Variants in HS3ST3A1 observed in about 807,000 individuals in gnomAD.
The protein encoded by HS3ST3A1 is heparan sulfate-glucosamine 3-sulfotransferase 3A1, also known as heparan sulfate glucosamine 3-O-sulfotransferase 3A1.
A neutral mutation model predicts 25.7 loss-of-function variants in HS3ST3A1; 19 were observed. That is an observed-to-expected ratio of 0.74 (90% CI 0.52 to 1.08). HS3ST3A1 has a LOEUF of 1.08. HS3ST3A1 is among the 50% of genes least tolerant of loss of function. The probability of loss-of-function intolerance (pLI) is 0.00; values close to 1 mark genes in which losing one functional copy is unlikely to be tolerated. For missense variants in HS3ST3A1, 459 were observed against 594.3 expected (o/e 0.77, Z 2.37); for synonymous variants, 226 against 278.6 (o/e 0.81, Z 1.88).
intron 1 of HS3ST3A1, among the ~76,000 whole-genome samples, chr17:13,592,457 A>T (rs1027173414): frequency 6.6e-6 from 1 of 152,214 alleles, no homozygotes; most frequent in East Asian, 1.9e-4. Flanking sequence ...TTGCTATTTT[A>T]AAAAAGGCTA....
intron 1 of HS3ST3A1, among the ~76,000 whole-genome samples, chr17:13,517,729 A>G (rs999393646): frequency 2.6e-5 from 4 of 152,100 alleles, no homozygotes; most frequent in African/African-American, 9.7e-5. Flanking sequence ...TTGGCTCACT[A>G]CAACCTCCGC....
At chr17:13,593,267 G>A (rs868328595) in intron 1 of HS3ST3A1, among the ~76,000 whole-genome samples, 7 of 139,222 alleles carry the variant, frequency 5.0e-5, no homozygotes, top group South Asian at 2.3e-4. Context: ...ATACGCCCAA[G>A]TCTGATTTTC....
In HS3ST3A1 at chr17:13,585,186, C is replaced by CTTTTTTTTTTTTTTTTTTTTTTTTTT. The variant is rs71144977; in HGVS notation, c.599+15319_599+15344dup. ...CAATCTAAATACTCATTTTTCTGTG[C>CTTTTTTTTTTTTTTTTTTTTTTTTTT]TTTTTTTTTTTTTTTTTTTTTTTTT... On this transcript the variant is annotated intron_variant, in intron 1 of 1. Transcript: ENST00000284110. 3.6e-4 allele frequency among the ~76,000 whole-genome samples: 12 copies of CTTTTTTTTTTTTTTTTTTTTTTTTTT among 33,246 alleles called. 2 individuals are homozygous for CTTTTTTTTTTTTTTTTTTTTTTTTTT. The highest frequency in any genetic ancestry group is 4.7e-4 in the African/African-American group (4 of 8,480). The allele number at this position is 33,246 out of a possible 152,430, so 21.8% of individuals were successfully genotyped here.
intron 1 of HS3ST3A1, among the ~76,000 whole-genome samples, chr17:13,546,778 C>T (rs919483497): frequency 2.0e-5 from 3 of 152,112 alleles, no homozygotes; most frequent in Non-Finnish European, 4.4e-5. Context: ...ACCAACTTTT[C>T]GTAGTACAGT....
chr17:13,568,227 C>T (rs1907722948), intron 1 of HS3ST3A1, among the ~76,000 whole-genome samples: 1 of 152,190 alleles, frequency 6.6e-6, no homozygotes, highest in Non-Finnish European at 1.5e-5. Flanking sequence ...TATTTTTAAA[C>T]TAAGGTATGT....
chr17:13,495,303 T>A lies in HS3ST3A1; in HGVS notation c.*894A>T, dbSNP rs1045717711. ...GCATTCATCAGTCAAGATTTCCATA[T>A]CTCAGTGTACTTTAAATAGCCAAGA... is the stretch of plus-strand genomic sequence containing the variant. On this transcript the variant is annotated 3_prime_UTR_variant, in exon 2 of 2. Coordinates refer to ENST00000284110, the MANE Select transcript of HS3ST3A1 (RefSeq NM_006042.3). Among the ~76,000 whole-genome samples the A allele has an allele frequency of 6.6e-6, 1 of 152,162 alleles. No homozygotes were observed. Among genetic ancestry groups the A allele is most frequent in the Non-Finnish European group, 1.5e-5 (1 of 68,030 alleles).
chr17:13,512,618 G>A (rs556211023), intron 1 of HS3ST3A1, among the ~76,000 whole-genome samples: 1 of 152,306 alleles, frequency 6.6e-6, no homozygotes, highest in Admixed American at 6.5e-5. Context: ...CAGAGATCAC[G>A]TGGCCTGCAA....
chr17:13,535,438 G>A (rs532905847), intron 1 of HS3ST3A1, among the ~76,000 whole-genome samples: 1 of 152,308 alleles, frequency 6.6e-6, no homozygotes, highest in African/African-American at 2.4e-5. Flanking sequence ...CCAGGTTACA[G>A]TATGAGAGCT....
intron 1 of HS3ST3A1, among the ~76,000 whole-genome samples, chr17:13,537,833 T>A (rs1906815767): frequency 6.6e-6 from 1 of 152,204 alleles, no homozygotes; most frequent in Non-Finnish European, 1.5e-5. Flanking sequence ...TTTCCTACAG[T>A]TCACAGGTAG....
In HS3ST3A1 at chr17:13,601,484, G is replaced by C. The variant is rs1257085747; in HGVS notation, c.-355C>G. ...TCGGGGTCTTGGCAGCGGTGTCGAA[G>C]GCGTGCGTCTCAGCCCCGGCCCCGA... is the stretch of plus-strand genomic sequence containing the variant. On this transcript the variant is annotated 5_prime_UTR_variant, in exon 1 of 2. Coordinates refer to ENST00000284110, the MANE Select transcript of HS3ST3A1 (RefSeq NM_006042.3). 4.4e-6 allele frequency: 1 copy of C among 226,678 alleles called. No individual in the cohort carries two copies. Among genetic ancestry groups the C allele is most frequent in the African/African-American group, 2.3e-5 (1 of 43,782 alleles). 14.0% of individuals were successfully genotyped at this position (226,678 alleles called of 1,614,324 possible). A position where few individuals can be genotyped will look rare whatever the true frequency, so the allele number is the denominator to read the frequency against.
intron 1 of HS3ST3A1, among the ~76,000 whole-genome samples, chr17:13,521,530 C>A (rs145262785): frequency 6.6e-6 from 1 of 152,264 alleles, no homozygotes; most frequent in South Asian, 2.1e-4. Flanking sequence ...CTAATCTCCC[C>A]GAGTGATGAA....
chr17:13,511,176 A>G (rs1905848220), intron 1 of HS3ST3A1, among the ~76,000 whole-genome samples: 2 of 152,198 alleles, frequency 1.3e-5, no homozygotes, highest in Non-Finnish European at 2.9e-5. Flanking sequence ...AATTGCATAC[A>G]CACACAAATT....
In HS3ST3A1 at chr17:13,577,912, C is replaced by T. The variant is rs75522204; in HGVS notation, c.599+22619G>A. ...TGTCAAAAGAATTCTTAGAATAGCTCTTAATCTAGAACCCAATCAAAACGG... is the reference window on the plus strand; with the variant it reads ...TGTCAAAAGAATTCTTAGAATAGCTTTTAATCTAGAACCCAATCAAAACGG... On this transcript the variant is annotated intron_variant, in intron 1 of 1. Coordinates refer to ENST00000284110, the MANE Select transcript of HS3ST3A1 (RefSeq NM_006042.3). Among the ~76,000 whole-genome samples, 379 of 151,908 alleles carry T rather than the reference C, an allele frequency of 2.5e-3. 15 individuals carry two copies. In the East Asian group the frequency reaches 0.052, roughly 21 times the overall value.
At chr17:13,508,260 A>G (rs1905749869) in intron 1 of HS3ST3A1, among the ~76,000 whole-genome samples, 1 of 152,210 alleles carries the variant, frequency 6.6e-6, no homozygotes, top group African/African-American at 2.4e-5. Flanking sequence ...ATGACACAAT[A>G]TGTACCAAAG....
intron 1 of HS3ST3A1, among the ~76,000 whole-genome samples, chr17:13,522,853 G>GACAC (rs374742145): frequency 0.29 from 42,720 of 148,102 alleles, 6,297 homozygotes; most frequent in Middle Eastern, 0.33. Context: ...CACACAGAGA[G>GACAC]ACACACACAC....
At chr17:13,569,324 G>A (rs1359411547) in intron 1 of HS3ST3A1, among the ~76,000 whole-genome samples, 1 of 152,076 alleles carries the variant, frequency 6.6e-6, no homozygotes, top group African/African-American at 2.4e-5. Flanking sequence ...GTTTATTTTG[G>A]GTGGAAAGAA....
Position 13,561,602 on chromosome 17 carries a change from C to T in HS3ST3A1, c.599+38929G>A, listed in dbSNP as rs940735335. Among the ~76,000 whole-genome samples, 11 of 152,210 alleles carry T rather than the reference C, an allele frequency of 7.2e-5. No individual in the cohort carries two copies. In the East Asian group the frequency reaches 2.1e-3, roughly 29 times the overall value. ...AGTGACGGGGTTTCGCCATGTTGGC[C>T]AGGCTGGTCTCGAACTCCTGACCTC... On this transcript the variant is annotated intron_variant, in intron 1 of 1. Transcript: ENST00000284110.
intron 1 of HS3ST3A1, among the ~76,000 whole-genome samples, chr17:13,509,115 A>G (rs1905780103): frequency 6.6e-6 from 1 of 152,324 alleles, no homozygotes. Flanking sequence ...GAAACAAATA[A>G]CATGACACCT....
intron 1 of HS3ST3A1, among the ~76,000 whole-genome samples, chr17:13,532,900 T>TAAACA (rs1446979814): frequency 1.7e-4 from 17 of 101,854 alleles, no homozygotes; most frequent in African/African-American, 7.5e-4. Flanking sequence ...TGTGTATATG[T>TAAACA]TTATATACAC....
Sources: allele counts gnomAD v4.1 joint callset (sites outside exome capture counted in the v4.1 genomes callset), GRCh38; gene constraint gnomAD v4.1.1; transcripts MANE v1.5; gene names NCBI Gene and HGNC (gene_info 2026-07-23, HGNC 2026-07-21).